The following KAZN variants were observed in gnomAD, a reference collection of about 807,000 sequenced individuals.
KAZN encodes kazrin, periplakin interacting protein, also known as kazrin.
Under a neutral mutation model 87.4 loss-of-function variants are expected in KAZN, and 40 were observed. That is an observed-to-expected ratio of 0.46 (90% CI 0.36 to 0.60). The LOEUF is 0.60. KAZN is among the 20% of genes least tolerant of loss of function. The pLI is 0.00. For missense variants in KAZN, 898 were observed against 1,073.9 expected, an observed-to-expected ratio of 0.84 and a Z score of 2.29; for synonymous variants, 466 against 458.3, an observed-to-expected ratio of 1.02 and a Z score of -0.22.
intron 2 of KAZN, among the ~76,000 whole-genome samples, chr1:14,253,897 C>T (rs1557596065): frequency 7.1e-6 from 1 of 141,668 alleles, no homozygotes. Flanking sequence ...GAATGCTTAA[C>T]AAATATTTAA....
intron 1 of KAZN, among the ~76,000 whole-genome samples, chr1:14,764,207 G>C (rs1340230304): frequency 6.6e-6 from 1 of 152,024 alleles, no homozygotes; most frequent in Non-Finnish European, 1.5e-5. Context: ...TGAGGGCTGG[G>C]ACCTCAGGCC....
chr1:14,293,002 G>A (rs540707572), intron 2 of KAZN, among the ~76,000 whole-genome samples: 29 of 152,312 alleles, frequency 1.9e-4, no homozygotes, highest in Non-Finnish European at 3.7e-4. Context: ...TGAAGTGGGC[G>A]TGGAGAGGTG....
intron 2 of KAZN, among the ~76,000 whole-genome samples, chr1:14,571,646 A>T (rs1674871840): frequency 6.6e-6 from 1 of 152,186 alleles, no homozygotes; most frequent in Admixed American, 6.5e-5. Flanking sequence ...ATCCCCCTAT[A>T]AAGGCAGCCA....
At chr1:14,292,224 T>G (rs1260759010) in intron 2 of KAZN, among the ~76,000 whole-genome samples, 1 of 151,844 alleles carries the variant, frequency 6.6e-6, no homozygotes, top group Non-Finnish European at 1.5e-5. Context: ...GCAATGAAAG[T>G]AAGCAATATG....
At chr1:14,626,476 C>T (rs1679149235) in intron 1 of KAZN, among the ~76,000 whole-genome samples, 1 of 152,180 alleles carries the variant, frequency 6.6e-6, no homozygotes, top group Admixed American at 6.5e-5. Flanking sequence ...AAGTGGAGGT[C>T]CAGATGGGTC....
At chr1:14,882,660 C>T (rs907624333) in intron 1 of KAZN, among the ~76,000 whole-genome samples, 4 of 152,206 alleles carry the variant, frequency 2.6e-5, no homozygotes, top group Non-Finnish European at 5.9e-5. Flanking sequence ...GCATCACTTA[C>T]AGCTCCTCCC....
chr1:14,201,903 G>C (rs1646648110), intron 2 of KAZN, among the ~76,000 whole-genome samples: 1 of 152,184 alleles, frequency 6.6e-6, no homozygotes, highest in African/African-American at 2.4e-5. Context: ...CCCGACCTCA[G>C]GTGATCCGCC....
At chr1:14,127,399 G>T (rs111476839) in intron 1 of KAZN, among the ~76,000 whole-genome samples, 1,335 of 47,618 alleles carry the variant, frequency 0.028, 30 homozygotes, top group African/African-American at 0.067. Flanking sequence ...CTTTACTGTT[G>T]TTTTTTTTTT....
At chr1:14,026,608 T>C (rs1196545985) in intron 1 of KAZN, among the ~76,000 whole-genome samples, 1 of 152,152 alleles carries the variant, frequency 6.6e-6, no homozygotes, top group African/African-American at 2.4e-5. Context: ...AGGAAAGCAA[T>C]GGTGTAGAGC....
At position 13,964,483 on chromosome 1, in the gene KAZN, C is replaced by G. The variant is rs560103045; in HGVS notation, c.91+70727C>G. On this transcript the variant is annotated intron_variant, in intron 1 of 16. Coordinates refer to the KAZN transcript ENST00000636203. ...CCGCAATAGGCTGGGTTCAGCTGGG[C>G]AGTTCTGGTCGTGGCTCACCTGGAC... is the stretch of plus-strand genomic sequence containing the variant. Among the ~76,000 whole-genome samples, 6 of 152,306 alleles carry G rather than the reference C, an allele frequency of 3.9e-5. No individual in the cohort carries two copies. In the South Asian group the frequency reaches 6.2e-4, roughly 16 times the overall value.
chr1:14,204,008 G>A (rs370342340), intron 2 of KAZN, among the ~76,000 whole-genome samples: 94 of 152,252 alleles, frequency 6.2e-4, no homozygotes, highest in Middle Eastern at 3.4e-3. Context: ...ATCACATTTG[G>A]GTGTGTTGCA....
At chr1:14,340,429 C>T (rs561939292) in intron 2 of KAZN, among the ~76,000 whole-genome samples, 13 of 152,344 alleles carry the variant, frequency 8.5e-5, no homozygotes, top group East Asian at 1.9e-4. Context: ...AAGAGATTGA[C>T]GTCACAGACT....
At chr1:14,502,074 C>A (rs1670287305) in intron 2 of KAZN, among the ~76,000 whole-genome samples, 1 of 151,994 alleles carries the variant, frequency 6.6e-6, no homozygotes, top group Non-Finnish European at 1.5e-5. Flanking sequence ...ATACTAAAAG[C>A]CACTGAACTG....
intron 1 of KAZN, among the ~76,000 whole-genome samples, chr1:13,911,858 G>C (rs775663471): frequency 2.0e-5 from 3 of 152,100 alleles, no homozygotes; most frequent in Non-Finnish European, 4.4e-5. Context: ...GTTGGGTTTG[G>C]GCCCCCAGAA....
chr1:14,873,832 G>A (rs985976291), intron 1 of KAZN, among the ~76,000 whole-genome samples: 1 of 152,212 alleles, frequency 6.6e-6, no homozygotes, highest in East Asian at 1.9e-4. Context: ...GCAAAGTGGC[G>A]AGATTCAGTA....
intron 2 of KAZN, among the ~76,000 whole-genome samples, chr1:14,460,851 A>G (rs570600016): frequency 6.6e-6 from 1 of 152,236 alleles, no homozygotes; most frequent in African/African-American, 2.4e-5. Context: ...TGATCTCATT[A>G]AAGCACAAAG....
At chr1:14,279,770 A>C (rs1481740801) in intron 2 of KAZN, among the ~76,000 whole-genome samples, 1 of 152,184 alleles carries the variant, frequency 6.6e-6, no homozygotes, top group Non-Finnish European at 1.5e-5. Flanking sequence ...AGGCAGAAAA[A>C]GTGAGAGAGA....
chr1:14,222,780 G>T (rs748387159), intron 2 of KAZN, among the ~76,000 whole-genome samples: 2 of 152,164 alleles, frequency 1.3e-5, no homozygotes, highest in Non-Finnish European at 2.9e-5. Context: ...CACTACCAGA[G>T]TTGGTCTTTG....
intron 2 of KAZN, among the ~76,000 whole-genome samples, chr1:14,308,889 C>T (rs1309083224): frequency 6.6e-6 from 1 of 152,130 alleles, no homozygotes; most frequent in Non-Finnish European, 1.5e-5. Flanking sequence ...GGGTGCAGCT[C>T]TAAAGACGAG....
Sources: allele counts gnomAD v4.1 joint callset (sites outside exome capture counted in the v4.1 genomes callset), GRCh38; gene constraint gnomAD v4.1.1; transcripts MANE v1.5; gene names NCBI Gene and HGNC (gene_info 2026-07-23, HGNC 2026-07-21).